The following ZNF385D variants were observed in gnomAD, a reference collection of about 807,000 sequenced individuals.
The protein encoded by ZNF385D is zinc finger protein 385D, also known as zinc finger protein 659.
Under a neutral mutation model 35.8 loss-of-function variants are expected in ZNF385D, and 15 were observed. The observed-to-expected ratio is 0.42, with a 90% CI of 0.28 to 0.64. The LOEUF is 0.64. ZNF385D is among the 30% of genes least tolerant of loss of function. ZNF385D has a pLI of 0.23. For missense variants in ZNF385D, 474 were observed against 494.6 expected, an observed-to-expected ratio of 0.96 and a Z score of 0.39; for synonymous variants, 212 against 186.8, an observed-to-expected ratio of 1.13 and a Z score of -1.10.
chr3:21,629,981 G>A (rs1324690651), intron 2 of ZNF385D, among the ~76,000 whole-genome samples: 1 of 149,500 alleles, frequency 6.7e-6, no homozygotes, highest in Non-Finnish European at 1.5e-5. Flanking sequence ...TTCTCTGGGA[G>A]CACCTATGGA....
chr3:22,313,603 ATAACT>A (rs1703714157), intron 2 of ZNF385D, among the ~76,000 whole-genome samples: 1 of 152,170 alleles, frequency 6.6e-6, no homozygotes, highest in African/African-American at 2.4e-5. Context: ...AGGGAAAAAA[ATAACT>A]TAAGCTAAGG....
chr3:22,181,888 G>C (rs1695305054), intron 2 of ZNF385D, among the ~76,000 whole-genome samples: 1 of 152,142 alleles, frequency 6.6e-6, no homozygotes, highest in Non-Finnish European at 1.5e-5. Context: ...CTTATTATGA[G>C]TTTCCCTGTG....
At chr3:21,605,582 G>C (rs1393734825) in intron 2 of ZNF385D, among the ~76,000 whole-genome samples, 2 of 152,120 alleles carry the variant, frequency 1.3e-5, no homozygotes, top group East Asian at 1.9e-4. Context: ...TAACTAAAAG[G>C]GATCTCTGCC....
intron 2 of ZNF385D, among the ~76,000 whole-genome samples, chr3:22,364,652 T>C (rs1264449785): frequency 6.6e-6 from 1 of 152,114 alleles, no homozygotes; most frequent in East Asian, 1.9e-4. Flanking sequence ...TTGGTGGAAA[T>C]ATAAAATGTA....
Position 22,187,529 on chromosome 3 carries a change from A to G in ZNF385D, c.107-18494T>C, listed in dbSNP as rs1695718940. On this transcript the variant is annotated intron_variant, in intron 2 of 5. Transcript: ENST00000494108. ...AAAGACATATATGTACTTTTAAAATATTACATAGATATTCCATTTCATTCT... is the reference window on the plus strand; with the variant it reads ...AAAGACATATATGTACTTTTAAAATGTTACATAGATATTCCATTTCATTCT... Among the ~76,000 whole-genome samples the G allele has an allele frequency of 2.6e-5, 4 of 152,084 alleles. No homozygotes were observed. In the South Asian group the frequency reaches 8.3e-4, roughly 32 times the overall value.
At chr3:21,950,206 T>G (rs1479254267) in intron 3 of ZNF385D, among the ~76,000 whole-genome samples, 1 of 151,820 alleles carries the variant, frequency 6.6e-6, no homozygotes, top group East Asian at 1.9e-4. Context: ...CTCCACATCT[T>G]CTCCAGTATC....
intron 2 of ZNF385D, among the ~76,000 whole-genome samples, chr3:21,622,103 C>T (rs1368475173): frequency 2.6e-5 from 4 of 152,038 alleles, no homozygotes; most frequent in Non-Finnish European, 5.9e-5. Context: ...AGCTTCCACT[C>T]ATTTTTTAAT....
intron 3 of ZNF385D, among the ~76,000 whole-genome samples, chr3:21,544,682 T>G (rs914286845): frequency 2.0e-5 from 3 of 152,238 alleles, no homozygotes; most frequent in African/African-American, 7.2e-5. Flanking sequence ...AAAATGCTAA[T>G]CTGGTCTTCG....
intron 2 of ZNF385D, among the ~76,000 whole-genome samples, chr3:21,601,879 C>T (rs1289209576): frequency 6.6e-6 from 1 of 152,042 alleles, no homozygotes; most frequent in Non-Finnish European, 1.5e-5. Context: ...GAGCACTTTC[C>T]CCAACATTGT....
chr3:21,674,666 T>C (rs1392366197), intron 1 of ZNF385D, among the ~76,000 whole-genome samples: 3 of 152,074 alleles, frequency 2.0e-5, no homozygotes, highest in South Asian at 2.1e-4. Context: ...CACGAGTTAC[T>C]CTATTCAGTA....
At chr3:22,201,378 C>T (rs1050769117) in intron 2 of ZNF385D, among the ~76,000 whole-genome samples, 4 of 152,010 alleles carry the variant, frequency 2.6e-5, no homozygotes, top group Admixed American at 2.6e-4. Context: ...AAAGTTTTTA[C>T]TTACTTGTGA....
chr3:21,591,181 C>A (rs981225833), intron 2 of ZNF385D, among the ~76,000 whole-genome samples: 1 of 152,004 alleles, frequency 6.6e-6, no homozygotes, highest in Non-Finnish European at 1.5e-5. Flanking sequence ...GGGAGACAGA[C>A]CACATCTCAA....
At chr3:22,050,740 C>A (rs761064675) in intron 3 of ZNF385D, among the ~76,000 whole-genome samples, 17 of 152,102 alleles carry the variant, frequency 1.1e-4, no homozygotes, top group Non-Finnish European at 2.2e-4. Flanking sequence ...TATATTAATT[C>A]ATTGTGTATT....
At chr3:21,711,976 T>C (rs1233911217) in intron 1 of ZNF385D, among the ~76,000 whole-genome samples, 4 of 152,258 alleles carry the variant, frequency 2.6e-5, no homozygotes, top group Non-Finnish European at 4.4e-5. Context: ...TAATCTTCCA[T>C]AATATCCTAT....
At chr3:21,784,740 T>C (rs1053671904) in intron 3 of ZNF385D, among the ~76,000 whole-genome samples, 15 of 152,032 alleles carry the variant, frequency 9.9e-5, no homozygotes, top group Middle Eastern at 3.4e-3. Flanking sequence ...TCATAATTAA[T>C]GCAAAAAAGA....
chr3:21,639,605 C>T (rs2065543133), intron 2 of ZNF385D, among the ~76,000 whole-genome samples: 1 of 151,950 alleles, frequency 6.6e-6, no homozygotes, highest in Non-Finnish European at 1.5e-5. Flanking sequence ...TTGGTAGACA[C>T]TTGGCTTTTG....
In ZNF385D at chr3:22,025,519, T is replaced by C. The variant is rs145493796; in HGVS notation, c.325+143298A>G. On this transcript the variant is annotated intron_variant, in intron 3 of 5. Transcript: ENST00000494108. ...GTATGGAATAATGGTGGAAGAAACA[T>C]AGAGTTGGATCAGGGTGAATTTATC... 4.0e-3 allele frequency among the ~76,000 whole-genome samples: 603 copies of C among 152,280 alleles called. 4 individuals are homozygous for C. Among genetic ancestry groups the C allele is most frequent in the African/African-American group, 0.014 (562 of 41,566 alleles).
chr3:22,031,160 C>A (rs901401164), intron 3 of ZNF385D, among the ~76,000 whole-genome samples: 2 of 152,198 alleles, frequency 1.3e-5, no homozygotes, highest in Non-Finnish European at 2.9e-5. Context: ...GCAGCTTTTC[C>A]AAGTGCAAGG....
chr3:21,502,728 C>G (rs1259297191), intron 4 of ZNF385D, among the ~76,000 whole-genome samples: 1 of 152,160 alleles, frequency 6.6e-6, no homozygotes, highest in Non-Finnish European at 1.5e-5. Context: ...CTTTTTCAAT[C>G]TCTAAAGATC....
Sources: gnomAD v4.1 joint callset for allele counts (sites outside exome capture counted in the v4.1 genomes callset) on GRCh38, gnomAD v4.1.1 for gene constraint, MANE v1.5 for transcripts, NCBI Gene and HGNC (gene_info 2026-07-23, HGNC 2026-07-21) for gene names.